The following SPIDR variants were observed in gnomAD, a reference collection of about 807,000 sequenced individuals.
SPIDR encodes DNA repair-scaffolding protein.
A neutral mutation model predicts 104.6 loss-of-function variants in SPIDR; 93 were observed. That is an observed-to-expected ratio of 0.89 (90% confidence interval 0.75 to 1.06). The LOEUF is 1.06. Ranked by LOEUF, SPIDR falls within the 50% of genes least tolerant of loss-of-function variation. SPIDR has a pLI of 0.00. For synonymous variants in SPIDR, 431 were observed against 416.9 expected (o/e 1.03, Z -0.41); for missense variants, 1,154 against 1,111.2 (o/e 1.04, Z -0.55).
chr8:47,485,421 C>T (rs915334873), intron 8 of SPIDR, among the ~76,000 whole-genome samples: 7 of 152,234 alleles, frequency 4.6e-5, no homozygotes, highest in African/African-American at 2.4e-5. Context: ...AACTCCACCT[C>T]TGCGGGCAGG....
chr8:47,298,712 T>A (rs1368854282), intron 5 of SPIDR, among the ~76,000 whole-genome samples: 1 of 152,230 alleles, frequency 6.6e-6, no homozygotes, highest in Non-Finnish European at 1.5e-5. Flanking sequence ...AAATAGGGAA[T>A]CCTTTCCCCA....
At chr8:47,558,519 G>C (rs2056642975) in intron 8 of SPIDR, among the ~76,000 whole-genome samples, 1 of 152,120 alleles carries the variant, frequency 6.6e-6, no homozygotes, top group African/African-American at 2.4e-5. Context: ...AAAGAGGATA[G>C]GTTCTGCAGT....
chr8:47,577,221 A>G (rs890779383), intron 8 of SPIDR, among the ~76,000 whole-genome samples: 2 of 152,250 alleles, frequency 1.3e-5, no homozygotes, highest in African/African-American at 4.8e-5. Context: ...AAAGCTAGAA[A>G]GTTAAACTGT....
At chr8:47,543,653 C>T (rs1243029489) in intron 8 of SPIDR, among the ~76,000 whole-genome samples, 2 of 152,138 alleles carry the variant, frequency 1.3e-5, no homozygotes, top group African/African-American at 2.4e-5. Context: ...CTTCATGCCT[C>T]TTCATAGGTC....
At chr8:47,495,857 A>G (rs906630946) in intron 8 of SPIDR, among the ~76,000 whole-genome samples, 4 of 152,256 alleles carry the variant, frequency 2.6e-5, no homozygotes, top group East Asian at 3.9e-4. Context: ...TCAAGGATCA[A>G]TTCTTTCCCA....
At chr8:47,301,369 G>T (rs371269986) in intron 5 of SPIDR, among the ~76,000 whole-genome samples, 2 of 152,092 alleles carry the variant, frequency 1.3e-5, no homozygotes, top group Non-Finnish European at 2.9e-5. Context: ...CCTGAATACC[G>T]CACACTGATG....
intron 1 of SPIDR, 43 bp downstream of exon 1, chr8:47,261,034 T>C (rs2032007314): frequency 2.5e-6 from 3 of 1,224,252 alleles, no homozygotes; most frequent in Non-Finnish European, 3.1e-6. Flanking sequence ...GTTTCCCGCG[T>C]TGCGGGGAAG....
At chr8:47,604,799 A>AT (rs1362414084) in intron 10 of SPIDR, among the ~76,000 whole-genome samples, 2 of 152,214 alleles carry the variant, frequency 1.3e-5, no homozygotes, top group African/African-American at 4.8e-5. Context: ...TAAGTTTGAG[A>AT]TTCCTATGAG....
chr8:47,414,070 G>A (rs1027039631), intron 7 of SPIDR, among the ~76,000 whole-genome samples: 2 of 152,224 alleles, frequency 1.3e-5, no homozygotes, highest in African/African-American at 4.8e-5. Context: ...GCACTAATTG[G>A]TGAAGCATAG....
chr8:47,347,345 C>T (rs1427672532), intron 5 of SPIDR, among the ~76,000 whole-genome samples: 1 of 152,172 alleles, frequency 6.6e-6, no homozygotes, highest in Non-Finnish European at 1.5e-5. Flanking sequence ...TTTACATTTG[C>T]TGCGGAGTGC....
chr8:47,377,896 A>G (rs1055826885), intron 5 of SPIDR, among the ~76,000 whole-genome samples: 1 of 152,232 alleles, frequency 6.6e-6, no homozygotes, highest in African/African-American at 2.4e-5. Flanking sequence ...ATGTTCTGCT[A>G]GTTGTACTTA....
intron 7 of SPIDR, among the ~76,000 whole-genome samples, chr8:47,415,784 G>T (rs2064173674): frequency 1.3e-5 from 2 of 152,098 alleles, no homozygotes; most frequent in South Asian, 2.1e-4. Context: ...TTTTTTTGTT[G>T]TAACAGCCAA....
chr8:47,349,953 G>A (rs1056886528), intron 5 of SPIDR, among the ~76,000 whole-genome samples: 2 of 152,160 alleles, frequency 1.3e-5, no homozygotes, highest in Admixed American at 6.5e-5. Context: ...GCCCTGCTTC[G>A]GCTCACACTC....
chr8:47,413,887 C>T (rs891963016), intron 7 of SPIDR, among the ~76,000 whole-genome samples: 20 of 152,120 alleles, frequency 1.3e-4, no homozygotes, highest in African/African-American at 4.6e-4. Context: ...ACTGTCAAGT[C>T]GAAGTTTGTT....
intron 5 of SPIDR, among the ~76,000 whole-genome samples, chr8:47,371,887 A>G (rs564079138): frequency 9.9e-5 from 15 of 152,246 alleles, no homozygotes; most frequent in Admixed American, 3.9e-4. Flanking sequence ...CTAACCGCTC[A>G]TATTATTTGT....
At chr8:47,693,393 A>G (rs761412538) in intron 11 of SPIDR, among the ~76,000 whole-genome samples, 14 of 152,252 alleles carry the variant, frequency 9.2e-5, no homozygotes, top group Non-Finnish European at 1.8e-4. Flanking sequence ...GGGCTCATGA[A>G]AAATTCTCAT....
chr8:47,472,099 T>C (rs1318511822), intron 8 of SPIDR, among the ~76,000 whole-genome samples: 2 of 151,886 alleles, frequency 1.3e-5, no homozygotes, highest in African/African-American at 4.8e-5. Context: ...ACCCTCAGAG[T>C]TTTTCTGTAT....
At chr8:47,477,771 A>C (rs2076446954) in intron 8 of SPIDR, among the ~76,000 whole-genome samples, 1 of 152,158 alleles carries the variant, frequency 6.6e-6, no homozygotes, top group East Asian at 1.9e-4. Flanking sequence ...TGGAGTGCTG[A>C]GGATGCAGCC....
chr8:47,559,513 C>T (rs1326752007), intron 8 of SPIDR, among the ~76,000 whole-genome samples: 1 of 152,230 alleles, frequency 6.6e-6, no homozygotes, highest in African/African-American at 2.4e-5. Context: ...CCTTTGCTTG[C>T]CTGTCTGCAA....
Sources: gnomAD v4.1 joint callset for allele counts (sites outside exome capture counted in the v4.1 genomes callset) on GRCh38, gnomAD v4.1.1 for gene constraint, MANE v1.5 for transcripts, NCBI Gene and HGNC (gene_info 2026-07-23, HGNC 2026-07-21) for gene names.